Variants in EFNA5 observed in about 807,000 individuals in gnomAD.
EFNA5 encodes the protein ephrin A5.
Under a neutral mutation model 22.9 loss-of-function variants are expected in EFNA5, and 5 were observed. The ratio of observed to expected loss-of-function variants is 0.22; its 90% CI spans 0.11 to 0.46. The LOEUF is 0.46. Among genes scored for constraint, EFNA5 ranks in the 20% least tolerant of loss-of-function variants. The pLI is 0.99. For synonymous variants in EFNA5, 113 were observed against 112.2 expected (o/e 1.01, Z -0.04); for missense variants, 237 against 293.3 (o/e 0.81, Z 1.40).
At chr5:107,521,567 T>C (rs530783128) in intron 1 of EFNA5, among the ~76,000 whole-genome samples, 1 of 149,762 alleles carries the variant, frequency 6.7e-6, no homozygotes, top group African/African-American at 2.5e-5. Flanking sequence ...CACCTCAGCC[T>C]CCCAAAGTGC....
chr5:107,453,403 T>C (rs1281117952), intron 1 of EFNA5, among the ~76,000 whole-genome samples: 1 of 152,216 alleles, frequency 6.6e-6, no homozygotes, highest in Non-Finnish European at 1.5e-5. Context: ...AACTGGGTCT[T>C]ATGTATGTCA....
chr5:107,579,449 T>C (rs1296536991), intron 1 of EFNA5, among the ~76,000 whole-genome samples: 1 of 152,156 alleles, frequency 6.6e-6, no homozygotes, highest in Non-Finnish European at 1.5e-5. Context: ...CTGAAGTCTT[T>C]TCTTTATCCA....
intron 1 of EFNA5, among the ~76,000 whole-genome samples, chr5:107,449,169 C>T (rs75888082): frequency 7.8e-4 from 118 of 152,190 alleles, no homozygotes; most frequent in African/African-American, 2.5e-3. Flanking sequence ...CCAAATGATA[C>T]GATTTAGTGG....
At chr5:107,424,922 A>C (rs1008925010) in intron 2 of EFNA5, among the ~76,000 whole-genome samples, 1 of 152,186 alleles carries the variant, frequency 6.6e-6, no homozygotes, top group South Asian at 2.1e-4. Context: ...TGAAAATTCA[A>C]TTTAACTGAA....
intron 1 of EFNA5, among the ~76,000 whole-genome samples, chr5:107,644,978 GGCGTGA>G (rs1261941194): frequency 6.6e-6 from 1 of 152,144 alleles, no homozygotes; most frequent in Non-Finnish European, 1.5e-5. Flanking sequence ...TGGGATTACA[GGCGTGA>G]GCCACCACGC....
intron 2 of EFNA5, among the ~76,000 whole-genome samples, chr5:107,395,013 T>C (rs1747882174): frequency 6.6e-6 from 1 of 151,130 alleles, no homozygotes; most frequent in Non-Finnish European, 1.5e-5. Context: ...AAATGTCCCC[T>C]TATAAGAAGG....
chr5:107,548,050 C>A (rs1748207488), intron 1 of EFNA5, among the ~76,000 whole-genome samples: 1 of 152,062 alleles, frequency 6.6e-6, no homozygotes, highest in African/African-American at 2.4e-5. Context: ...AATAAACTAC[C>A]TTTAGAAAGA....
At position 107,422,271 on chromosome 5, in the gene EFNA5, T is replaced by C. The variant is rs1001852073; in HGVS notation, c.418+4946A>G. Among the ~76,000 whole-genome samples, 4 of 152,340 alleles carry C rather than the reference T, an allele frequency of 2.6e-5. No homozygotes were observed. In the South Asian group the frequency reaches 6.2e-4, roughly 24 times the overall value. ...GGCGCCTGGAACACAGTACATGCTATATAAATTCTAGTTATCCTTACTTAT... is the reference window on the plus strand; with the variant it reads ...GGCGCCTGGAACACAGTACATGCTACATAAATTCTAGTTATCCTTACTTAT... On this transcript the variant is annotated intron_variant, in intron 2 of 4. Coordinates refer to ENST00000333274, the MANE Select transcript of EFNA5 (RefSeq NM_001962.3).
At chr5:107,424,198 ATTTTTTTTTT>A (rs70996959) in intron 2 of EFNA5, among the ~76,000 whole-genome samples, 2 of 95,706 alleles carry the variant, frequency 2.1e-5, no homozygotes, top group South Asian at 3.0e-4. Flanking sequence ...TCTTTCTTTC[ATTTTTTTTTT>A]TTTTTTTTTT....
chr5:107,410,953 G>A (rs2562525), intron 2 of EFNA5, among the ~76,000 whole-genome samples: 2 of 152,036 alleles, frequency 1.3e-5, no homozygotes, highest in Admixed American at 6.6e-5. Flanking sequence ...ATTCTTTGTC[G>A]TGGAGTCGTT....
intron 1 of EFNA5, among the ~76,000 whole-genome samples, chr5:107,473,927 G>A (rs1750212562): frequency 6.6e-6 from 1 of 152,090 alleles, no homozygotes. Flanking sequence ...CCAAAGTGCT[G>A]GGATTACAGG....
intron 2 of EFNA5, among the ~76,000 whole-genome samples, chr5:107,401,051 C>T (rs1465733690): frequency 6.6e-6 from 1 of 152,140 alleles, no homozygotes; most frequent in Non-Finnish European, 1.5e-5. Flanking sequence ...TTTTTAGGAG[C>T]TTCTAGCATA....
rs373973788 is a variant in EFNA5 at position 107,499,089 on chromosome 5, C to T, written c.126-71580G>A. 3.9e-5 allele frequency among the ~76,000 whole-genome samples: 6 copies of T among 152,086 alleles called. No homozygotes were observed. In the East Asian group the frequency reaches 7.7e-4, roughly 20 times the overall value. ...CTCTTCTCCTTTTTCATTATCATAA[C>T]CAAATAGCAAGCACATAGATTTTGG... On this transcript the variant is annotated intron_variant, in intron 1 of 4. Transcript: ENST00000333274.
chr5:107,595,352 G>C (rs868513115), intron 1 of EFNA5, among the ~76,000 whole-genome samples: 12 of 151,826 alleles, frequency 7.9e-5, no homozygotes, highest in Middle Eastern at 6.8e-3. Flanking sequence ...ATACAACAAG[G>C]GGCTCACTAT....
At chr5:107,458,583 C>G (rs152581) in intron 1 of EFNA5, among the ~76,000 whole-genome samples, 82,686 of 151,506 alleles carry the variant, frequency 0.55, 22,869 homozygotes, top group East Asian at 0.69. Context: ...TTTTGGAAGT[C>G]GTGAGACAAT....
chr5:107,499,197 C>T (rs922620252), intron 1 of EFNA5, among the ~76,000 whole-genome samples: 4 of 151,792 alleles, frequency 2.6e-5, no homozygotes, highest in African/African-American at 9.7e-5. Context: ...TTTTTTAAAT[C>T]GGGAGAAAGT....
chr5:107,427,508 ATCTGTT>A lies in EFNA5; in HGVS notation c.126-5_126del. On this transcript the variant is annotated splice_acceptor_variant and splice_polypyrimidine_tract_variant and coding_sequence_variant and intron_variant, in exon 2 of 5. Coordinates refer to ENST00000333274, the MANE Select transcript of EFNA5 (RefSeq NM_001962.3). LOFTEE classifies it high-confidence loss of function. ...TCAATATGGTAGTCACCCCTCTGGA[ATCTGTT>A]AGAAAAAGAAAAAAAAATGTGATAA... 6.3e-7 allele frequency: 1 copy of A among 1,581,826 alleles called. No homozygotes were observed. Among genetic ancestry groups the A allele is most frequent in the Admixed American group, 1.9e-5 (1 of 53,958 alleles).
chr5:107,466,994 T>C (rs1280836800), intron 1 of EFNA5, among the ~76,000 whole-genome samples: 1 of 152,112 alleles, frequency 6.6e-6, no homozygotes, highest in Non-Finnish European at 1.5e-5. Flanking sequence ...CCTATCTTCA[T>C]TGATGGAGCC....
rs115475297 is a variant in EFNA5, at chr5:107,623,116, C to T, written c.125+47373G>A. 2.9e-3 allele frequency among the ~76,000 whole-genome samples: 433 copies of T among 148,694 alleles called. 3 individuals are homozygous for T. The highest frequency in any genetic ancestry group is 0.011 in the African/African-American group (424 of 40,238). On this transcript the variant is annotated intron_variant, in intron 1 of 4. Transcript: ENST00000333274. ...TGACTAAATGCAAGGCAGTCCTAACCATCACACAGTACTGCCTCCCCAGAT... is the reference window on the plus strand; with the variant it reads ...TGACTAAATGCAAGGCAGTCCTAACTATCACACAGTACTGCCTCCCCAGAT...
Sources: gnomAD v4.1 joint callset for allele counts (sites outside exome capture counted in the v4.1 genomes callset) on GRCh38, gnomAD v4.1.1 for gene constraint, MANE v1.5 for transcripts, NCBI Gene and HGNC (gene_info 2026-07-23, HGNC 2026-07-21) for gene names.